The following ZNF729 variants were observed in gnomAD, a reference collection of about 807,000 sequenced individuals.
ZNF729 encodes the protein zinc finger protein 729.
Under a neutral mutation model 12.2 loss-of-function variants are expected in ZNF729, and 15 were observed. The observed-to-expected ratio is 1.23, with a 90% CI of 0.82 to 1.89. ZNF729 has a LOEUF of 1.89. ZNF729 is among the 40% of genes most tolerant of loss of function. The pLI, the probability that ZNF729 is intolerant of heterozygous loss-of-function variation, is 0.00. For missense variants in ZNF729, 1,540 were observed against 1,456.7 expected, an observed-to-expected ratio of 1.06 and a Z score of -0.93; for synonymous variants, 492 against 476.3, an observed-to-expected ratio of 1.03 and a Z score of -0.43.
Position 22,314,934 on chromosome 19 carries a change from A to G in ZNF729, c.1517A>G (p.His506Arg), listed in dbSNP as rs776360431. The change falls in exon 4 of 4, where the codon CAT becomes CGT. Residue 506 changes from histidine (H) to arginine (R), a missense_variant. Coordinates refer to ENST00000601693, the MANE Select transcript of ZNF729 (RefSeq NM_001242680.2). Reference protein sequence around the residue: ...AFNHFSDLRRHKIIHTGKKPY... With the variant: ...AFNHFSDLRRRKIIHTGKKPY... ...AACCATTTCTCAGACCTTAGAAGAC[A>G]TAAGATAATTCATACTGGAAAGAAA... is the stretch of plus-strand genomic sequence containing the variant. The G allele has an allele frequency of 1.2e-6, 2 of 1,612,948 alleles. No individual in the cohort carries two copies. The highest frequency in any genetic ancestry group is 1.1e-5 in the South Asian group (1 of 91,060).
chr19:22,315,849 T>G lies in ZNF729; in HGVS notation c.2432T>G (p.Leu811Arg). 1 of 1,611,032 alleles carries G rather than the reference T, an allele frequency of 6.2e-7. No individual in the cohort carries two copies. Among genetic ancestry groups the G allele is most frequent in the Non-Finnish European group, 8.5e-7 (1 of 1,179,680 alleles). The stretch of plus-strand genomic sequence containing the variant: ...AAAGCTTTTAAGTGGTCCTCAAAGC[T>G]TACTGTACATAAGGTAATTCATACT... Reference protein sequence around the residue: ...CGKAFKWSSKLTVHKVIHTGE... With the variant: ...CGKAFKWSSKRTVHKVIHTGE... Residue 811 changes from leucine to arginine, a missense_variant, in exon 4 of 4, where the codon CTT (leucine) becomes CGT (arginine). Physicochemically the swap from Leu to Arg is moderately radical, Grantham distance 102. Transcript: ENST00000601693.
At position 22,286,481 on chromosome 19, in the gene ZNF729, C is replaced by T; in HGVS notation, c.-45C>T. 1.2e-6 allele frequency: 2 copies of T among 1,611,980 alleles called. No individual in the cohort carries two copies. The highest frequency in any genetic ancestry group is 1.1e-5 in the South Asian group (1 of 90,960). ...GCCTTCACTGCTGTGTGTCCTCAGC[C>T]TCTGTGGCCCTGTAACCTGCGGCAT... is the stretch of plus-strand genomic sequence containing the variant. On this transcript the variant is annotated 5_prime_UTR_variant, in exon 1 of 4. Coordinates refer to ENST00000601693, the MANE Select transcript of ZNF729 (RefSeq NM_001242680.2).
At chr19:22,298,082 A>G (rs564023673) in intron 1 of ZNF729, among the ~76,000 whole-genome samples, 230 of 151,896 alleles carry the variant, frequency 1.5e-3, no homozygotes, top group Non-Finnish European at 3.0e-3. Context: ...GAATGATAAA[A>G]GCTGAAAGAT....
rs76977377 is a variant in ZNF729, at chr19:22,301,482, T to C, written c.31-2276T>C. Among the ~76,000 whole-genome samples, 47 of 74,540 alleles carry C rather than the reference T, an allele frequency of 6.3e-4. 1 individual carries two copies. The highest frequency in any genetic ancestry group is 1.7e-3 in the African/African-American group (35 of 20,568). 48.9% of individuals were successfully genotyped at this position (74,540 alleles called of 152,430 possible). On this transcript the variant is annotated intron_variant, in intron 1 of 3. Coordinates refer to ENST00000601693, the MANE Select transcript of ZNF729 (RefSeq NM_001242680.2). ...CTGTAACACCCAAGGAGGCAGAGTC[T>C]GGTTGATCCCACCTGGAATCTGCAC...
rs958565049 is a variant in ZNF729, at chr19:22,310,434, C to A, written c.254-3237C>A. 3.2e-4 allele frequency among the ~76,000 whole-genome samples: 48 copies of A among 152,188 alleles called. 1 individual carries two copies. Among genetic ancestry groups the A allele is most frequent in the African/African-American group, 8.4e-4 (35 of 41,534 alleles). The stretch of plus-strand genomic sequence containing the variant: ...AAGGGATGTTGGATTTTGTTGAATA[C>A]TTTTTCTGCATCTATTGAGATGATC... On this transcript the variant is annotated intron_variant, in intron 3 of 3. Transcript: ENST00000601693.
At position 22,315,859 on chromosome 19, in the gene ZNF729, T is replaced by A; in HGVS notation, c.2442T>A (p.His814Gln). Residue 814 changes from histidine to glutamine, a missense_variant, in exon 4 of 4, where the codon CAT (histidine) becomes CAA (glutamine). By Grantham distance (24) the His-to-Gln change is conservative. Transcript: ENST00000601693. ...AGTGGTCCTCAAAGCTTACTGTACA[T>A]AAGGTAATTCATACTGGAGAGAAAC... ...AFKWSSKLTV[H>Q]KVIHTGEKPC... is the part of the protein sequence containing the mutation. The A allele has an allele frequency of 1.9e-6, 3 of 1,611,296 alleles. No individual in the cohort carries two copies. In the South Asian group the frequency reaches 3.3e-5, roughly 18 times the overall value.
chr19:22,305,085 C>T (rs538778980), intron 3 of ZNF729, among the ~76,000 whole-genome samples: 1 of 152,260 alleles, frequency 6.6e-6, no homozygotes, highest in Admixed American at 6.5e-5. Flanking sequence ...ATTGGGGACA[C>T]ACAAATATCT....
intron 1 of ZNF729, among the ~76,000 whole-genome samples, chr19:22,302,018 G>A (rs1426375718): frequency 6.6e-6 from 1 of 152,428 alleles, no homozygotes; most frequent in East Asian, 1.9e-4. Context: ...AGGCATCTTT[G>A]AGACATTTGA....
rs1968543684 is a variant in ZNF729, at chr19:22,316,455, T to C, written c.3038T>C (p.Ile1013Thr). Residue 1013 changes from isoleucine (I) to threonine (T), a missense_variant, in exon 4 of 4, where the codon ATT (isoleucine) becomes ACT (threonine). Coordinates refer to ENST00000601693, the MANE Select transcript of ZNF729 (RefSeq NM_001242680.2). The part of the protein sequence containing the change: ...NSSTLKKHKL[I>T]HTREKLYKCE... The stretch of plus-strand genomic sequence containing the variant: ...TCAACCCTTAAGAAACATAAGCTAA[T>C]TCATACTAGGGAGAAATTGTACAAA... The C allele has an allele frequency of 1.2e-6, 2 of 1,613,496 alleles. No individual in the cohort carries two copies. The highest frequency in any genetic ancestry group is 1.7e-5 in the Admixed American group (1 of 59,972).
chr19:22,293,492 C>CTTTTTTTT (rs1181519048), intron 1 of ZNF729, among the ~76,000 whole-genome samples: 5 of 50,022 alleles, frequency 1.0e-4, no homozygotes, highest in African/African-American at 4.2e-4. Flanking sequence ...AGCCTTTTGT[C>CTTTTTTTT]TATTTTTTTT....
chr19:22,291,892 C>G (rs886368632), intron 1 of ZNF729, among the ~76,000 whole-genome samples: 1 of 152,106 alleles, frequency 6.6e-6, no homozygotes, highest in Non-Finnish European at 1.5e-5. Context: ...TGCCACCACG[C>G]CCCGCTAATT....
rs1425859560 is a variant in ZNF729, at chr19:22,314,381, T to C, written c.964T>C (p.Cys322Arg). ...TCATACTGCAGAGAAACCCTACAAA[T>C]GTGAAGATTGTGGCAAAACTTTTAA... ...VIHTAEKPYK[C>R]EDCGKTFNHF... The change falls in exon 4 of 4, where the codon TGT becomes CGT. Residue 322 changes from cysteine to arginine, a missense_variant. Coordinates refer to ENST00000601693, the MANE Select transcript of ZNF729 (RefSeq NM_001242680.2). 2.5e-6 allele frequency: 4 copies of C among 1,594,138 alleles called. No homozygotes were observed. Among genetic ancestry groups the C allele is most frequent in the Non-Finnish European group, 2.6e-6 (3 of 1,167,830 alleles).
rs550886849 is a variant in ZNF729 at position 22,292,388 on chromosome 19, A to T, written c.30+5833A>T. Among the ~76,000 whole-genome samples, 4 of 152,270 alleles carry T rather than the reference A, an allele frequency of 2.6e-5. No homozygotes were observed. The East Asian group carries it at 7.7e-4, about 29-fold the overall frequency. ...ATAATCTTGTTCACTTTTTATGGCA[A>T]CACAGTATTCCATGATGTTTATGTA... On this transcript the variant is annotated intron_variant, in intron 1 of 3. Transcript: ENST00000601693.
chr19:22,307,623 G>C (rs1968395985), intron 3 of ZNF729, among the ~76,000 whole-genome samples: 1 of 150,402 alleles, frequency 6.6e-6, no homozygotes, highest in Admixed American at 6.6e-5. Context: ...CATGCCTGTA[G>C]TCCCAGGTAC....
rs769470128 is a variant in ZNF729, at chr19:22,313,764, G to A, written c.347G>A (p.Gly116Glu). 1.9e-6 allele frequency: 3 copies of A among 1,597,774 alleles called. No individual in the cohort carries two copies. Among genetic ancestry groups the A allele is most frequent in the Non-Finnish European group, 2.6e-6 (3 of 1,173,104 alleles). Residue 116 changes from glycine (G) to glutamate (E), a missense_variant, in exon 4 of 4, where the codon GGA becomes GAA. Transcript: ENST00000601693. ...EVILRTYARC[G>E]HKNLRLRKDC... ...ATACTGAGAACATATGCAAGATGTG[G>A]ACATAAGAATTTACGATTAAGAAAA...
At chr19:22,288,610 G>A (rs1364970920) in intron 1 of ZNF729, among the ~76,000 whole-genome samples, 5 of 152,060 alleles carry the variant, frequency 3.3e-5, no homozygotes, top group Admixed American at 6.6e-5. Context: ...GGAATCTCCT[G>A]GCATACTCTT....
Position 22,286,537 on chromosome 19 carries a change from C to T in ZNF729, c.12C>T (p.Ala4=). The T allele has an allele frequency of 6.2e-7, 1 of 1,613,772 alleles. No individual in the cohort carries two copies. Among genetic ancestry groups the T allele is most frequent in the Non-Finnish European group, 8.5e-7 (1 of 1,179,974 alleles). MPG[A]PGSLEMGPLT... is the part of the protein sequence containing the mutation. Reference sequence around the variant, plus strand: ...GATCCACAGCTAACATGCCAGGTGCCCCTGGCAGCCTAGAAATGGTGAGAG... The same window carrying T: ...GATCCACAGCTAACATGCCAGGTGCTCCTGGCAGCCTAGAAATGGTGAGAG... The change falls in exon 1 of 4, where the codon GCC becomes GCT. Residue 4 remains alanine (A), a synonymous_variant. Transcript: ENST00000601693.
intron 3 of ZNF729, 119 bp downstream of exon 3, chr19:22,304,902 A>G: frequency 9.1e-7 from 1 of 1,093,118 alleles, no homozygotes; most frequent in South Asian, 1.8e-5. Flanking sequence ...TTCTGGGAAG[A>G]CTGAGATTTT....
At chr19:22,288,320 T>C (rs1317460814) in intron 1 of ZNF729, among the ~76,000 whole-genome samples, 1 of 151,912 alleles carries the variant, frequency 6.6e-6, no homozygotes, top group African/African-American at 2.4e-5. Flanking sequence ...TGTTTTTTTT[T>C]TTTTTTTTCC....
Sources: gnomAD v4.1 joint callset for allele counts (sites outside exome capture counted in the v4.1 genomes callset) on GRCh38, gnomAD v4.1.1 for gene constraint, MANE v1.5 for transcripts, NCBI Gene and HGNC (gene_info 2026-07-23, HGNC 2026-07-21) for gene names.